SLIT1: variants seen among roughly 807,000 people sequenced by gnomAD.
The protein encoded by SLIT1 is slit homolog 1 protein.
SLIT1 carries 66 observed loss-of-function variants against 186.1 expected under a neutral mutation model. The ratio of observed to expected loss-of-function variants is 0.35; its 90% confidence interval spans 0.29 to 0.44. SLIT1 has a LOEUF of 0.44. SLIT1 is among the 20% of genes least tolerant of loss of function. The pLI, the probability that SLIT1 is intolerant of heterozygous loss-of-function variation, is 1.00. For synonymous variants in SLIT1, 761 were observed against 833.8 expected (o/e 0.91, Z 1.50); for missense variants, 1,638 against 2,037.4 (o/e 0.80, Z 3.77).
chr10:97,151,047 A>C (rs1481088058), intron 4 of SLIT1, among the ~76,000 whole-genome samples: 1 of 150,976 alleles, frequency 6.6e-6, no homozygotes, highest in African/African-American at 2.4e-5. Flanking sequence ...ACCTGCCCCC[A>C]CCCACTCCAA....
intron 25 of SLIT1, among the ~76,000 whole-genome samples, chr10:97,028,627 G>T (rs1848566576): frequency 6.6e-6 from 1 of 152,028 alleles, no homozygotes; most frequent in Non-Finnish European, 1.5e-5. Context: ...AGCATAAATG[G>T]TACCTCCTCT....
chr10:97,018,715 G>A, intron 27 of SLIT1, 32 bp from the exon 28 acceptor site: 1 of 1,427,526 alleles, frequency 7.0e-7, no homozygotes, highest in Non-Finnish European at 9.7e-7. Flanking sequence ...GGGACCCCAG[G>A]GAGACCCAGG....
chr10:97,047,324 C>T (rs1848743331), intron 16 of SLIT1, among the ~76,000 whole-genome samples: 1 of 152,226 alleles, frequency 6.6e-6, no homozygotes, highest in Non-Finnish European at 1.5e-5. Context: ...TGCACATAGA[C>T]ATATGTGTAC....
At chr10:97,163,483 G>C in intron 2 of SLIT1, 32 bp from the exon 3 acceptor site, 2 of 1,600,248 alleles carry the variant, frequency 1.2e-6, no homozygotes. Flanking sequence ...GACAGCTACA[G>C]GGTGTGGGAC....
chr10:97,034,699 C>T (rs1430927337), intron 22 of SLIT1, among the ~76,000 whole-genome samples, 157 bp from the exon 23 acceptor site: 2 of 152,176 alleles, frequency 1.3e-5, no homozygotes, highest in African/African-American at 2.4e-5. Flanking sequence ...CGGGTCTCAG[C>T]GCTTGCTTAG....
intron 5 of SLIT1, among the ~76,000 whole-genome samples, chr10:97,065,137 TACACACACACACAC>T (rs55991572): frequency 0.6 from 90,670 of 150,772 alleles, 29,619 homozygotes; most frequent in East Asian, 0.83. Context: ...GGCACCCCCC[TACACACACACACAC>T]ACACACACAC....
At chr10:97,130,305 T>C in intron 4 of SLIT1, among the ~76,000 whole-genome samples, 1 of 152,244 alleles carries the variant, frequency 6.6e-6, no homozygotes, top group Non-Finnish European at 1.5e-5. Context: ...CAGATACTTG[T>C]ACGCCTTCAT....
chr10:97,066,875 C>T lies in SLIT1; in HGVS notation c.414-789G>A, dbSNP rs77114394. 2.4e-3 allele frequency among the ~76,000 whole-genome samples: 358 copies of T among 152,304 alleles called. 5 individuals are homozygous for T. In the East Asian group the frequency reaches 0.059, roughly 25 times the overall value. On this transcript the variant is annotated intron_variant, in intron 4 of 36. Coordinates refer to ENST00000266058, the MANE Select transcript of SLIT1 (RefSeq NM_003061.3). ...CAGCATCGTGCAGGGCGCAAAGGGG[C>T]ATACAACAGAGGTGCTTCTGGAGGG... is the stretch of plus-strand genomic sequence containing the variant.
rs1281679652 is a variant in SLIT1 at position 97,164,877 on chromosome 10, T to A, written c.211A>T (p.Asn71Tyr). 1.2e-6 allele frequency: 2 copies of A among 1,613,146 alleles called. No individual in the cohort carries two copies. Among genetic ancestry groups the A allele is most frequent in the Non-Finnish European group, 1.7e-6 (2 of 1,179,382 alleles). ...RNTERLELNG[N>Y]NITRIHKNDF... ...TTCTTATGGATCCGAGTGATGTTGT[T>A]GCCATTGAGTTCCCTGGAGGAAGAA... Residue 71 changes from asparagine to tyrosine, a missense_variant, in exon 2 of 37, where the codon AAC (asparagine) becomes TAC (tyrosine). Asn to Tyr is a moderately radical substitution (Grantham distance 143). Transcript: ENST00000266058.
At chr10:97,003,023 G>A (rs1293055763) in intron 34 of SLIT1, 31 bp from the exon 35 acceptor site, 3 of 1,594,736 alleles carry the variant, frequency 1.9e-6, no homozygotes, top group Admixed American at 3.4e-5. Flanking sequence ...GAGCTGGGCT[G>A]AGTAAAGCTC....
At chr10:97,178,257 C>T (rs1296613712) in intron 1 of SLIT1, among the ~76,000 whole-genome samples, 3 of 152,198 alleles carry the variant, frequency 2.0e-5, no homozygotes, top group Non-Finnish European at 2.9e-5. Context: ...AAGATAAAAT[C>T]ACCAATACTG....
chr10:97,025,301 A>G lies in SLIT1; in HGVS notation c.2583-3888T>C, dbSNP rs552721186. On this transcript the variant is annotated intron_variant, in intron 25 of 36. Transcript: ENST00000266058. ...AGCCGTCTCAAAAAACAAAAACAAA[A>G]AAACAAAAAACGACAACAACAAAAA... is the stretch of plus-strand genomic sequence containing the variant. Among the ~76,000 whole-genome samples, 15 of 152,294 alleles carry G rather than the reference A, an allele frequency of 9.8e-5. 1 individual carries two copies. The South Asian group carries it at 3.1e-3, about 32-fold the overall frequency.
intron 22 of SLIT1, among the ~76,000 whole-genome samples, chr10:97,035,246 G>A (rs1318566108): frequency 2.0e-5 from 3 of 152,164 alleles, no homozygotes; most frequent in Non-Finnish European, 4.4e-5. Context: ...AGAGGCATGG[G>A]GATTGCTAAA....
intron 4 of SLIT1, among the ~76,000 whole-genome samples, chr10:97,149,507 C>T (rs1849853006): frequency 6.6e-6 from 1 of 152,102 alleles, no homozygotes; most frequent in African/African-American, 2.4e-5. Context: ...ACAGGAAGCC[C>T]CTCCTAAGAC....
In SLIT1 at chr10:97,066,070, C is replaced by A. The variant is rs773390186; in HGVS notation, c.430G>T (p.Ala144Ser). ...GCTTTCCTGGGGATGGCCTGGATGG[C>A]GTTCTCACTCAAGTCCCTGGGAGGA... ...ALSRLDLSENAIQAIPRKAFR... is the reference protein window; with the variant it reads ...ALSRLDLSENSIQAIPRKAFR... Residue 144 changes from alanine to serine, a missense_variant, in exon 5 of 37, where the codon GCC (alanine) becomes TCC (serine). Physicochemically the swap from Ala to Ser is moderately conservative, Grantham distance 99. This residue lies in a region of SLIT1 where 1,245 missense variants were observed against 1,535.3 expected (regional missense o/e 0.81). Transcript: ENST00000266058. The A allele has an allele frequency of 6.2e-7, 1 of 1,604,310 alleles. No individual in the cohort carries two copies. The highest frequency in any genetic ancestry group is 1.7e-5 in the Admixed American group (1 of 59,168).
intron 4 of SLIT1, among the ~76,000 whole-genome samples, chr10:97,096,624 C>A (rs926400871): frequency 6.6e-6 from 1 of 152,186 alleles, no homozygotes; most frequent in African/African-American, 2.4e-5. Flanking sequence ...CTCACTCCCA[C>A]CTCTTGCAGG....
intron 4 of SLIT1, among the ~76,000 whole-genome samples, chr10:97,108,564 C>T (rs560205330): frequency 2.6e-5 from 4 of 152,174 alleles, no homozygotes; most frequent in Admixed American, 6.5e-5. Context: ...AGGGCCCTCA[C>T]GAAAGGCCCA....
chr10:97,166,460 G>C (rs548862729), intron 1 of SLIT1, among the ~76,000 whole-genome samples: 37 of 150,432 alleles, frequency 2.5e-4, no homozygotes, highest in African/African-American at 8.3e-4. Context: ...AGGTTGAAGT[G>C]AGCCAGGACC....
rs575502337 is a variant in SLIT1 at position 97,043,415 on chromosome 10, G to A, written c.1952C>T (p.Thr651Ile). Residue 651 changes from threonine (T) to isoleucine (I), a missense_variant, in exon 19 of 37, where the codon ACC becomes ATC. Physicochemically the swap from Thr to Ile is moderately conservative, Grantham distance 89. Around this residue, in one of 3 missense-constraint regions of SLIT1, gnomAD observed 1,245 missense variants for 1,535.3 expected, o/e 0.81. Transcript: ENST00000266058. This position sits in a 1 kb window ranked among gnomAD's most constrained non-coding sequence, Gnocchi z 7.0. Reference protein sequence around the residue: ...LLSLYDNQITTVSPGAFDTLQ... With the variant: ...LLSLYDNQITIVSPGAFDTLQ... ...GGTGTCGAAGGCTCCTGGGGATACG[G>A]TGGTGATCTGGTTGTCGTAGAGCGA... The A allele has an allele frequency of 6.2e-7, 1 of 1,614,020 alleles. No homozygotes were observed. The highest frequency in any genetic ancestry group is 1.1e-5 in the South Asian group (1 of 91,070).
Sources: allele counts gnomAD v4.1 joint callset (sites outside exome capture counted in the v4.1 genomes callset), GRCh38; gene constraint gnomAD v4.1.1; regional missense constraint gnomAD v4.1.1; non-coding constraint Gnocchi (gnomAD v3.1); transcripts MANE v1.5; gene names NCBI Gene and HGNC (gene_info 2026-07-23, HGNC 2026-07-21).